APLF: variants seen among roughly 807,000 people sequenced by gnomAD.
The protein encoded by APLF is aprataxin and PNK-like factor.
APLF carries 61 observed loss-of-function variants against 55.6 expected under a neutral mutation model. The ratio of observed to expected loss-of-function variants is 1.10; its 90% CI spans 0.89 to 1.36. The LOEUF (loss-of-function observed/expected upper bound fraction) is 1.36, where lower values mean the gene tolerates loss of function less well. APLF is among the 40% of genes most tolerant of loss of function. The probability of loss-of-function intolerance (pLI) is 0.00; values close to 1 mark genes in which losing one functional copy is unlikely to be tolerated. For synonymous variants in APLF, 207 were observed against 214.8 expected (o/e 0.96, Z 0.32); for missense variants, 611 against 602.5 (o/e 1.01, Z -0.15).
chr2:68,467,788 G>C lies in APLF; in HGVS notation c.57G>C (p.Ala19=). The change falls in exon 1 of 10, where the codon GCG becomes GCC. Residue 19 remains alanine (A), a synonymous_variant. Coordinates refer to ENST00000303795, the MANE Select transcript of APLF (RefSeq NM_173545.3). ...ACGGCGGTCCCCGGGTGGCCCTGGC[G>C]CCCGGGGAGACGGTGATCGGCCGCG... ...PRDGGPRVAL[A]PGETVIGRGP... 8.1e-7 allele frequency: 1 copy of C among 1,234,262 alleles called. No individual in the cohort carries two copies. Among genetic ancestry groups the C allele is most frequent in the Non-Finnish European group, 1.0e-6 (1 of 988,160 alleles). The allele number at this position is 1,234,262 out of a possible 1,614,324, so 76.5% of individuals were successfully genotyped here. A position where few individuals can be genotyped will look rare whatever the true frequency, so the allele number is the denominator to read the frequency against.
chr2:68,541,465 A>G (rs1050525301), intron 7 of APLF, among the ~76,000 whole-genome samples: 2 of 152,206 alleles, frequency 1.3e-5, no homozygotes, highest in African/African-American at 2.4e-5. Context: ...AGAAAAAAAA[A>G]TGAGCAAAAG....
intron 8 of APLF, among the ~76,000 whole-genome samples, chr2:68,546,069 G>C (rs111529095): frequency 2.6e-5 from 4 of 152,046 alleles, no homozygotes; most frequent in African/African-American, 9.7e-5. Context: ...TGTGATTGTG[G>C]TTTTCAATGA....
chr2:68,492,450 C>T (rs1178208382), intron 2 of APLF, among the ~76,000 whole-genome samples: 1 of 152,072 alleles, frequency 6.6e-6, no homozygotes. Context: ...TGCACTCCAG[C>T]CTGGGCGACA....
chr2:68,558,690 A>C (rs773968104), intron 8 of APLF, among the ~76,000 whole-genome samples: 1 of 152,166 alleles, frequency 6.6e-6, no homozygotes, highest in East Asian at 1.9e-4. Context: ...GGTTTGTTAC[A>C]TAGGTAAACA....
intron 1 of APLF, 86 bp downstream of exon 1, chr2:68,467,913 T>C: frequency 9.6e-7 from 1 of 1,046,592 alleles, no homozygotes; most frequent in Non-Finnish European, 1.2e-6. Flanking sequence ...CCTGGCCGGT[T>C]TCCCCACCGC....
intron 5 of APLF, among the ~76,000 whole-genome samples, chr2:68,514,278 A>G (rs537650431): frequency 8.6e-5 from 13 of 151,896 alleles, no homozygotes; most frequent in African/African-American, 2.9e-4. Flanking sequence ...CAACTTTGCC[A>G]TTTCAGACTT....
At chr2:68,498,806 G>C (rs1160248895) in intron 2 of APLF, among the ~76,000 whole-genome samples, 1 of 152,198 alleles carries the variant, frequency 6.6e-6, no homozygotes, top group Non-Finnish European at 1.5e-5. Context: ...TGGGGTCGTG[G>C]ATGATTGAGG....
chr2:68,484,908 A>G (rs370574504), intron 1 of APLF, among the ~76,000 whole-genome samples: 2 of 152,082 alleles, frequency 1.3e-5, no homozygotes, highest in African/African-American at 4.8e-5. Context: ...AGTAACAGAA[A>G]TTTGACAAAC....
chr2:68,536,472 T>A (rs919022923), intron 6 of APLF, among the ~76,000 whole-genome samples: 4 of 152,212 alleles, frequency 2.6e-5, no homozygotes, highest in African/African-American at 9.6e-5. Context: ...GAAGCAAACA[T>A]TGATGTGTAT....
chr2:68,521,838 G>T (rs537141657), intron 5 of APLF, among the ~76,000 whole-genome samples: 7 of 151,978 alleles, frequency 4.6e-5, no homozygotes, highest in Admixed American at 2.6e-4. Flanking sequence ...TTTTCACCAT[G>T]GCAATTTGAT....
intron 2 of APLF, among the ~76,000 whole-genome samples, chr2:68,492,265 T>G (rs1384768556): frequency 6.6e-6 from 1 of 151,994 alleles, no homozygotes; most frequent in Non-Finnish European, 1.5e-5. Context: ...GATCACGAGG[T>G]CAGGAGATCG....
intron 1 of APLF, among the ~76,000 whole-genome samples, chr2:68,475,014 C>T (rs138813209): frequency 1.4e-3 from 212 of 152,246 alleles, no homozygotes; most frequent in African/African-American, 5.0e-3. Flanking sequence ...ATTGCAAAGC[C>T]AGAGTTAAAA....
At chr2:68,471,094 A>G (rs1675604119) in intron 1 of APLF, among the ~76,000 whole-genome samples, 1 of 152,294 alleles carries the variant, frequency 6.6e-6, no homozygotes, top group South Asian at 2.1e-4. Context: ...GCCTACAACC[A>G]GTGCCTAGCA....
chr2:68,543,213 TAG>T (rs1450771200), intron 7 of APLF, among the ~76,000 whole-genome samples: 2 of 152,156 alleles, frequency 1.3e-5, no homozygotes, highest in Non-Finnish European at 2.9e-5. Context: ...TTAATGGGTA[TAG>T]AGTTTTCAGT....
intron 8 of APLF, among the ~76,000 whole-genome samples, chr2:68,557,372 G>A (rs576830163): frequency 6.6e-6 from 1 of 152,282 alleles, no homozygotes; most frequent in South Asian, 2.1e-4. Context: ...TCTGCAGTTG[G>A]TTGAATCTGC....
intron 8 of APLF, among the ~76,000 whole-genome samples, chr2:68,565,374 T>C (rs1050155429): frequency 6.6e-6 from 1 of 151,942 alleles, no homozygotes; most frequent in Non-Finnish European, 1.5e-5. Flanking sequence ...GGTGGGAGGA[T>C]CACCTGAGCT....
At chr2:68,559,722 C>G (rs1273436894) in intron 8 of APLF, among the ~76,000 whole-genome samples, 2 of 152,100 alleles carry the variant, frequency 1.3e-5, no homozygotes, top group South Asian at 4.1e-4. Context: ...CAGTCATAAC[C>G]ACCATCCTCT....
chr2:68,516,987 TATA>T lies in APLF; in HGVS notation c.622+3314_622+3316del, dbSNP rs199930662. 9.3e-3 allele frequency among the ~76,000 whole-genome samples: 1,166 copies of T among 125,118 alleles called. 26 individuals are homozygous for T. The highest frequency in any genetic ancestry group is 0.033 in the African/African-American group (1,066 of 32,122). The allele number at this position is 125,118 out of a possible 152,430, so 82.1% of individuals were successfully genotyped here. ...AATAATATAATATAATATAATTATATATAATAATATATGTTAATATATAATATA... is the reference window on the plus strand; with the variant it reads ...AATAATATAATATAATATAATTATATATAATATATGTTAATATATAATATA... On this transcript the variant is annotated intron_variant, in intron 5 of 9. Coordinates refer to ENST00000303795, the MANE Select transcript of APLF (RefSeq NM_173545.3).
intron 2 of APLF, among the ~76,000 whole-genome samples, chr2:68,498,807 ATGAT>A (rs1676634562): frequency 6.6e-6 from 1 of 152,238 alleles, no homozygotes; most frequent in African/African-American, 2.4e-5. Context: ...GGGGTCGTGG[ATGAT>A]TGAGGCAGTA....
Sources: gnomAD v4.1 joint callset for allele counts (sites outside exome capture counted in the v4.1 genomes callset) on GRCh38, gnomAD v4.1.1 for gene constraint, MANE v1.5 for transcripts, NCBI Gene and HGNC (gene_info 2026-07-23, HGNC 2026-07-21) for gene names.